GLIS3: variants seen among roughly 807,000 people sequenced by gnomAD.
GLIS3 encodes GLIS family zinc finger 3.
In GLIS3, 53 loss-of-function variants were observed where a neutral mutation model predicts 78.6. The ratio of observed to expected loss-of-function variants is 0.67; its 90% CI spans 0.54 to 0.85. The LOEUF (loss-of-function observed/expected upper bound fraction) is 0.85, where lower values mean the gene tolerates loss of function less well. Ranked by LOEUF, GLIS3 falls within the 40% of genes least tolerant of loss-of-function variation. The pLI is 0.00. For missense variants in GLIS3, 1,703 were observed against 1,231.1 expected (o/e 1.38, Z -5.74); for synonymous variants, 684 against 509.9 (o/e 1.34, Z -4.60).
intron 9 of GLIS3, among the ~76,000 whole-genome samples, chr9:3,843,382 A>C (rs1236958181): frequency 1.3e-5 from 2 of 151,960 alleles, no homozygotes; most frequent in Non-Finnish European, 2.9e-5. Context: ...CCCAAAACCT[A>C]CTCTCTGGAA....
At chr9:4,264,207 G>A (rs1052071189) in intron 2 of GLIS3, among the ~76,000 whole-genome samples, 1 of 152,134 alleles carries the variant, frequency 6.6e-6, no homozygotes, top group Admixed American at 6.5e-5. Context: ...AACACCTAGA[G>A]GTATTCACTG....
chr9:4,430,255 A>G, the GLIS3 span, among the ~76,000 whole-genome samples: 1 of 152,220 alleles, frequency 6.6e-6, no homozygotes, highest in Non-Finnish European at 1.5e-5. Flanking sequence ...AATGCATGAG[A>G]ATATGGGTCC....
chr9:3,897,213 T>C (rs1041568377), intron 7 of GLIS3, among the ~76,000 whole-genome samples: 1 of 152,150 alleles, frequency 6.6e-6, no homozygotes, highest in African/African-American at 2.4e-5. Context: ...ACCATTTATA[T>C]TGTATGTTAG....
chr9:4,216,872 A>C (rs1486920825), intron 2 of GLIS3, among the ~76,000 whole-genome samples: 1 of 152,240 alleles, frequency 6.6e-6, no homozygotes, highest in African/African-American at 2.4e-5. Flanking sequence ...TATGTTAAAA[A>C]TCAAAACCCC....
At chr9:4,260,036 G>A (rs942614472) in intron 2 of GLIS3, among the ~76,000 whole-genome samples, 4 of 152,166 alleles carry the variant, frequency 2.6e-5, no homozygotes, top group African/African-American at 7.2e-5. Context: ...AGAAAGGAAA[G>A]AGAATTAGGT....
intron 7 of GLIS3, among the ~76,000 whole-genome samples, chr9:3,886,202 CAAATAT>C (rs1479424620): frequency 2.0e-5 from 3 of 152,146 alleles, no homozygotes; most frequent in Non-Finnish European, 2.9e-5. Context: ...AGAATTCATA[CAAATAT>C]AAACTGTGGT....
chr9:4,286,101 A>G lies in GLIS3; in HGVS notation c.325T>C (p.Ser109Pro), dbSNP rs753973362. The G allele has an allele frequency of 1.4e-5, 22 of 1,613,346 alleles. No individual in the cohort carries two copies. The highest frequency in any genetic ancestry group is 1.6e-4 in the Middle Eastern group (1 of 6,082). The change falls in exon 2 of 11, where the codon TCA (serine) becomes CCA (proline). Residue 109 changes from serine (S) to proline (P), a missense_variant. Coordinates refer to ENST00000381971, the MANE Select transcript of GLIS3 (RefSeq NM_001042413.2). ...QVTQAGGMSG[S>P]HTLKPKQQEF... ...TGCTGCTTTGGCTTTAAAGTATGTG[A>G]CCCTGACATGCCTCCAGCCTGGGTG...
At chr9:4,119,164 T>C (rs1442164436) in intron 3 of GLIS3, among the ~76,000 whole-genome samples, 3 of 152,162 alleles carry the variant, frequency 2.0e-5, no homozygotes, top group African/African-American at 4.8e-5. Context: ...TAATAAATAG[T>C]CCTTGCTTTA....
rs866034355 is a variant in GLIS3, at chr9:4,266,630, A to T, written c.388+19408T>A. Reference sequence around the variant, plus strand: ...CACACACACACACACACACACACACACTTTCCTTAGCAACCTCATGCTTCT... The same window carrying T: ...CACACACACACACACACACACACACTCTTTCCTTAGCAACCTCATGCTTCT... On this transcript the variant is annotated intron_variant, in intron 2 of 10. Transcript: ENST00000381971. Among the ~76,000 whole-genome samples the T allele has an allele frequency of 3.0e-5, 4 of 134,026 alleles. 1 individual carries two copies. The Middle Eastern group carries it at 0.012, about 387-fold the overall frequency. The allele number at this position is 134,026 out of a possible 152,430, so 87.9% of individuals were successfully genotyped here. A position where few individuals can be genotyped will look rare whatever the true frequency, so the allele number is the denominator to read the frequency against.
intron 4 of GLIS3, among the ~76,000 whole-genome samples, chr9:4,051,730 A>G (rs965713214): frequency 8.5e-5 from 13 of 152,352 alleles, no homozygotes; most frequent in African/African-American, 3.1e-4. Context: ...ACACTATTCT[A>G]GGCTGCAGTA....
intron 2 of GLIS3, among the ~76,000 whole-genome samples, chr9:4,333,409 A>G (rs1817713077): frequency 6.6e-6 from 1 of 152,088 alleles, no homozygotes; most frequent in Admixed American, 6.6e-5. Flanking sequence ...GAAAGAAACT[A>G]AGTCTTTTTT....
chr9:3,878,400 T>A (rs1462634312), intron 8 of GLIS3, among the ~76,000 whole-genome samples: 2 of 152,170 alleles, frequency 1.3e-5, no homozygotes, highest in Non-Finnish European at 2.9e-5. Flanking sequence ...CAACGGACAT[T>A]CATTAAACAA....
rs1308233800 is a variant in GLIS3 at position 3,828,477 on chromosome 9, C to T, written c.2657-69G>A. On this transcript the variant is annotated intron_variant, in intron 10 of 10. Transcript: ENST00000381971. ...TGCCACGCCCACTGGAAATGCACTACAGTAATGCAGCTCACCAAGTGAGGA... is the reference window on the plus strand; with the variant it reads ...TGCCACGCCCACTGGAAATGCACTATAGTAATGCAGCTCACCAAGTGAGGA... 5 of 1,589,378 alleles carry T rather than the reference C, an allele frequency of 3.1e-6. No homozygotes were observed. In the East Asian group the frequency reaches 1.1e-4, roughly 36 times the overall value.
the GLIS3 span, among the ~76,000 whole-genome samples, chr9:4,443,045 G>A: frequency 3.9e-5 from 6 of 152,178 alleles, no homozygotes; most frequent in South Asian, 2.1e-4. Flanking sequence ...TTGCCAGGAT[G>A]TAGAGGCTCC....
chr9:4,230,805 A>C (rs1563795702), intron 2 of GLIS3, among the ~76,000 whole-genome samples: 1 of 152,232 alleles, frequency 6.6e-6, no homozygotes, highest in Non-Finnish European at 1.5e-5. Flanking sequence ...TAAAATTCCA[A>C]AACACATAAA....
the GLIS3 span, among the ~76,000 whole-genome samples, chr9:4,457,708 G>A: frequency 6.6e-6 from 1 of 152,000 alleles, no homozygotes; most frequent in East Asian, 1.9e-4. Flanking sequence ...AAATTAGCTG[G>A]GCATGGTGGC....
chr9:4,036,865 T>C (rs1824358170), intron 4 of GLIS3, among the ~76,000 whole-genome samples: 1 of 152,130 alleles, frequency 6.6e-6, no homozygotes, highest in African/African-American at 2.4e-5. Flanking sequence ...CGTTTGAGTA[T>C]CAACTGCTGA....
the GLIS3 span, among the ~76,000 whole-genome samples, chr9:4,432,603 C>G: frequency 1.3e-5 from 2 of 149,024 alleles, no homozygotes; most frequent in South Asian, 2.1e-4. Context: ...TTTGTAAATT[C>G]ATTGTTTGAA....
chr9:4,077,354 G>T (rs1205621630), intron 4 of GLIS3, among the ~76,000 whole-genome samples: 1 of 152,188 alleles, frequency 6.6e-6, no homozygotes, highest in Non-Finnish European at 1.5e-5. Flanking sequence ...GAGATGCTGA[G>T]AAACTGGCAT....
Sources: allele counts gnomAD v4.1 joint callset (sites outside exome capture counted in the v4.1 genomes callset), GRCh38; gene constraint gnomAD v4.1.1; transcripts MANE v1.5; gene names NCBI Gene and HGNC (gene_info 2026-07-23, HGNC 2026-07-21).